Variants in NDUFAF2 observed in about 807,000 individuals in gnomAD.
The protein encoded by NDUFAF2 is NADH dehydrogenase [ubiquinone] 1 alpha subcomplex assembly factor 2.
A neutral mutation model predicts 22.8 loss-of-function variants in NDUFAF2; 13 were observed. The ratio of observed to expected loss-of-function variants is 0.57; its 90% confidence interval spans 0.37 to 0.91. The LOEUF (loss-of-function observed/expected upper bound fraction) is 0.91, where lower values mean the gene tolerates loss of function less well. NDUFAF2 is among the 40% of genes least tolerant of loss of function. NDUFAF2 has a pLI of 0.01. For missense variants in NDUFAF2, 162 were observed against 195.2 expected, an observed-to-expected ratio of 0.83 and a Z score of 1.01; for synonymous variants, 53 against 64.2, an observed-to-expected ratio of 0.83 and a Z score of 0.84.
chr5:60,958,654 GA>G (rs1417185770), intron 1 of NDUFAF2, among the ~76,000 whole-genome samples: 2 of 152,088 alleles, frequency 1.3e-5, no homozygotes, highest in Non-Finnish European at 2.9e-5. Flanking sequence ...GCTATTCAGT[GA>G]ATTCAGATGT....
intron 2 of NDUFAF2, among the ~76,000 whole-genome samples, chr5:61,079,812 T>C (rs1467530215): frequency 1.3e-5 from 2 of 152,216 alleles, no homozygotes; most frequent in African/African-American, 4.8e-5. Flanking sequence ...TGCGTGACCT[T>C]GGTCTCCCTA....
intron 1 of NDUFAF2, among the ~76,000 whole-genome samples, chr5:61,032,995 G>T (rs1751747805): frequency 6.6e-6 from 1 of 152,066 alleles, no homozygotes; most frequent in South Asian, 2.1e-4. Context: ...ATTTTGGGCA[G>T]GATGGCCATT....
chr5:61,143,960 T>TG (rs1491220278), intron 3 of NDUFAF2, among the ~76,000 whole-genome samples: 8,043 of 98,170 alleles, frequency 0.082, 337 homozygotes, highest in East Asian at 0.16. Context: ...TGGCATATTT[T>TG]TGTGTGTGTG....
At chr5:61,094,494 G>A (rs1752610479) in intron 2 of NDUFAF2, among the ~76,000 whole-genome samples, 1 of 152,186 alleles carries the variant, frequency 6.6e-6, no homozygotes, top group African/African-American at 2.4e-5. Flanking sequence ...GGTCATTTCA[G>A]CCATCTCAGC....
At chr5:61,017,504 CAA>C (rs1416625776) in intron 1 of NDUFAF2, among the ~76,000 whole-genome samples, 1 of 141,966 alleles carries the variant, frequency 7.0e-6, no homozygotes, top group Non-Finnish European at 1.5e-5. Context: ...TTTCAGAAAG[CAA>C]AAGTGTGGGT....
chr5:60,978,569 A>G (rs13362092), intron 1 of NDUFAF2, among the ~76,000 whole-genome samples: 9,683 of 152,188 alleles, frequency 0.064, 1,016 homozygotes, highest in African/African-American at 0.22. Context: ...AGAACTCACT[A>G]TTGCGATGAT....
chr5:61,053,925 A>G (rs1580114683), intron 1 of NDUFAF2, among the ~76,000 whole-genome samples: 1 of 152,330 alleles, frequency 6.6e-6, no homozygotes. Flanking sequence ...CTGAACTTTA[A>G]AAAACAATTA....
At chr5:61,056,584 G>A (rs960751334) in intron 1 of NDUFAF2, among the ~76,000 whole-genome samples, 1 of 151,912 alleles carries the variant, frequency 6.6e-6, no homozygotes, top group African/African-American at 2.4e-5. Flanking sequence ...TTAAACGAAT[G>A]ACTAAAATCA....
At chr5:61,089,154 T>C (rs1580128733) in intron 2 of NDUFAF2, among the ~76,000 whole-genome samples, 1 of 152,236 alleles carries the variant, frequency 6.6e-6, no homozygotes, top group East Asian at 1.9e-4. Context: ...AATCTTATTA[T>C]AGTGGCTTAT....
chr5:61,105,483 G>A (rs981473878), intron 3 of NDUFAF2, among the ~76,000 whole-genome samples: 9 of 150,646 alleles, frequency 6.0e-5, no homozygotes, highest in African/African-American at 9.9e-5. Context: ...ATCACTTTTA[G>A]TAACATAGTG....
intron 1 of NDUFAF2, among the ~76,000 whole-genome samples, chr5:60,968,416 G>T (rs1750785881): frequency 6.6e-6 from 1 of 151,266 alleles, no homozygotes; most frequent in African/African-American, 2.4e-5. Context: ...ACTTCCTGAG[G>T]CATAGTGTTA....
intron 3 of NDUFAF2, among the ~76,000 whole-genome samples, chr5:61,145,227 A>T (rs957082933): frequency 1.3e-5 from 2 of 152,214 alleles, no homozygotes; most frequent in Admixed American, 6.5e-5. Flanking sequence ...AAGTAACAGC[A>T]TTGGAAAGGA....
intron 1 of NDUFAF2, 50 bp from the exon 2 acceptor site, chr5:61,073,075 A>T: frequency 9.1e-7 from 1 of 1,099,382 alleles, no homozygotes; most frequent in Non-Finnish European, 1.4e-6. Flanking sequence ...TTGTAGAACT[A>T]CTGTATCATA....
intron 3 of NDUFAF2, chr5:61,116,548 T>G (rs567694429): frequency 4.2e-4 from 64 of 152,250 alleles, no homozygotes; most frequent in African/African-American, 1.5e-3. Flanking sequence ...AAAGAAAAAT[T>G]AGAGGACTAG....
chr5:61,053,606 T>G (rs1485150106), intron 1 of NDUFAF2, among the ~76,000 whole-genome samples: 1 of 152,182 alleles, frequency 6.6e-6, no homozygotes, highest in African/African-American at 2.4e-5. Context: ...CTGAAATAGT[T>G]TCTGTGGCTA....
intron 1 of NDUFAF2, among the ~76,000 whole-genome samples, chr5:61,009,771 T>C (rs1580093099): frequency 6.6e-6 from 1 of 152,180 alleles, no homozygotes; most frequent in Middle Eastern, 3.4e-3. Flanking sequence ...CCCTATGTTC[T>C]GATTCCAGAC....
At chr5:61,018,013 G>T (rs1420366050) in intron 1 of NDUFAF2, among the ~76,000 whole-genome samples, 6 of 152,050 alleles carry the variant, frequency 3.9e-5, no homozygotes, top group African/African-American at 1.4e-4. Flanking sequence ...CGGCCTCCCA[G>T]AGTGCTGGGA....
chr5:61,071,071 T>G (rs1229109137), intron 1 of NDUFAF2, among the ~76,000 whole-genome samples: 1 of 152,226 alleles, frequency 6.6e-6, no homozygotes. Context: ...TAACTTGTTA[T>G]GATGTATTTA....
Position 61,081,130 on chromosome 5 carries a change from A to G in NDUFAF2, c.217+7916A>G, listed in dbSNP as rs186053714. Among the ~76,000 whole-genome samples, 33 of 152,230 alleles carry G rather than the reference A, an allele frequency of 2.2e-4. No homozygotes were observed. The East Asian group carries it at 2.3e-3, about 11-fold the overall frequency. ...GCCTTAGCACCTTTGTCAGACATCAATTGACTATGGATGTGTCTATTTCTG... is the reference window on the plus strand; with the variant it reads ...GCCTTAGCACCTTTGTCAGACATCAGTTGACTATGGATGTGTCTATTTCTG... On this transcript the variant is annotated intron_variant, in intron 2 of 3. Transcript: ENST00000296597.
Sources: allele counts gnomAD v4.1 joint callset (sites outside exome capture counted in the v4.1 genomes callset), GRCh38; gene constraint gnomAD v4.1.1; transcripts MANE v1.5; gene names NCBI Gene and HGNC (gene_info 2026-07-23, HGNC 2026-07-21).